The following DIPK2B variants were observed in gnomAD, a reference collection of about 807,000 sequenced individuals.
The protein encoded by DIPK2B is divergent protein kinase domain 2B, also known as UPF0672 protein CXorf36.
In DIPK2B, 15 loss-of-function variants were observed where a neutral mutation model predicts 22.2. The observed-to-expected ratio is 0.68, with a 90% CI of 0.45 to 1.04. DIPK2B has a LOEUF of 1.04. Among genes scored for constraint, DIPK2B ranks in the 50% least tolerant of loss-of-function variants. The pLI is 0.00. For synonymous variants in DIPK2B, 163 were observed against 153.2 expected (o/e 1.06, Z -0.47); for missense variants, 345 against 348.3 (o/e 0.99, Z 0.08).
At position 45,157,748 on chromosome X, in the gene DIPK2B, C is replaced by T. The variant is rs747780326; in HGVS notation, c.639G>A (p.Thr213=). The change falls in exon 3 of 5, where the codon ACG becomes ACA. Residue 213 remains threonine, a synonymous_variant. Transcript: ENST00000398000. Reference sequence around the variant, plus strand: ...GGATGGGGTGCGAGTTGACAGCCAGCGTGTAGAGCAGGCGCAGCTTGTCAC... The same window carrying T: ...GGATGGGGTGCGAGTTGACAGCCAGTGTGTAGAGCAGGCGCAGCTTGTCAC... ...TDRDKLRLLY[T]LAVNSHPILL... 4 of 1,198,139 alleles carry T rather than the reference C, an allele frequency of 3.3e-6. No individual in the cohort carries two copies. The highest frequency in any genetic ancestry group is 3.4e-6 in the Non-Finnish European group (3 of 888,994).
At chrX:45,199,895 G>C (rs187035334) in intron 1 of DIPK2B, among the ~76,000 whole-genome samples, 13 of 111,221 alleles carry the variant, frequency 1.2e-4, no homozygotes, top group African/African-American at 4.3e-4. Flanking sequence ...TCTTTGCTGA[G>C]AGCCATGTGC....
chrX:45,158,297 G>A (rs917560944), intron 2 of DIPK2B, among the ~76,000 whole-genome samples: 4 of 109,882 alleles, frequency 3.6e-5, no homozygotes, highest in Admixed American at 9.6e-5. Flanking sequence ...AGGAAGAAGG[G>A]GAGAGAAGGC....
rs778769796 is a variant in DIPK2B at position 45,153,976 on chromosome X, C to T, written c.895G>A (p.Val299Ile). The T allele has an allele frequency of 4.6e-5, 56 of 1,208,531 alleles. 1 individual carries two copies. Among genetic ancestry groups the T allele is most frequent in the Non-Finnish European group, 4.8e-5 (43 of 894,686 alleles). Residue 299 changes from valine (V) to isoleucine (I), a missense_variant, in exon 4 of 5, where the codon GTC becomes ATC. Val to Ile is a conservative substitution (Grantham distance 29). Coordinates refer to ENST00000398000, the MANE Select transcript of DIPK2B (RefSeq NM_176819.4). ...ATGAACAGATGCCCGTTGTTAAAGA[C>T]GCCGAACATGCCTGCATCAATGTGG... is the stretch of plus-strand genomic sequence containing the variant. The part of the protein sequence containing the change: ...FTHIDAGMFG[V>I]FNNGHLFIRD...
chrX:45,154,301 ATC>A (rs2046979302), intron 3 of DIPK2B, 103 bp from the exon 4 acceptor site: 2 of 641,118 alleles, frequency 3.1e-6, no homozygotes, highest in Non-Finnish European at 4.5e-6. Context: ...CTATCTATCT[ATC>A]TATCTATCTA....
At chrX:45,191,180 C>G (rs1219218259) in intron 2 of DIPK2B, among the ~76,000 whole-genome samples, 1 of 112,474 alleles carries the variant, frequency 8.9e-6, no homozygotes, top group Non-Finnish European at 1.9e-5. Flanking sequence ...TGCTGAAGTT[C>G]CCAGCACAGC....
At chrX:45,187,549 T>C (rs1482852068) in intron 2 of DIPK2B, among the ~76,000 whole-genome samples, 1 of 110,957 alleles carries the variant, frequency 9.0e-6, no homozygotes, top group Non-Finnish European at 1.9e-5. Context: ...TCCTGTCGTC[T>C]TCCTTAGCAG....
Position 45,160,975 on chromosome X carries a change from G to A in DIPK2B, c.499-3087C>T, listed in dbSNP as rs143779302. Among the ~76,000 whole-genome samples the A allele has an allele frequency of 9.8e-3, 1,100 of 112,064 alleles. 18 individuals are homozygous for A. The highest frequency in any genetic ancestry group is 0.034 in the African/African-American group (1,057 of 30,823). On this transcript the variant is annotated intron_variant, in intron 2 of 4. Coordinates refer to ENST00000398000, the MANE Select transcript of DIPK2B (RefSeq NM_176819.4). ...GATTTCATTCCCAGCTTCCTTTGCAGCTAGGTGTGATAATGCGACTAGGTA... is the reference window on the plus strand; with the variant it reads ...GATTTCATTCCCAGCTTCCTTTGCAACTAGGTGTGATAATGCGACTAGGTA...
chrX:45,199,566 T>C (rs749674192), intron 1 of DIPK2B, among the ~76,000 whole-genome samples: 1 of 111,331 alleles, frequency 9.0e-6, no homozygotes, highest in Admixed American at 9.5e-5. Context: ...CTTAAGATGT[T>C]ACTTCCACCT....
intron 2 of DIPK2B, among the ~76,000 whole-genome samples, chrX:45,180,771 T>TAC (rs2047146145): frequency 8.9e-6 from 1 of 111,960 alleles, no homozygotes; most frequent in South Asian, 3.7e-4. Flanking sequence ...GCCCTATATA[T>TAC]ACTATGTTTT....
chrX:45,152,663 G>A (rs1235175764), intron 4 of DIPK2B, among the ~76,000 whole-genome samples: 1 of 111,996 alleles, frequency 8.9e-6, no homozygotes, highest in Non-Finnish European at 1.9e-5. Context: ...GGACATGGCA[G>A]CTCACACCTG....
At position 45,151,863 on chromosome X, in the gene DIPK2B, T is replaced by G. The variant is rs763409315; in HGVS notation, c.1091A>C (p.Lys364Thr). Residue 364 changes from lysine to threonine, a missense_variant, in exon 5 of 5, where the codon AAG becomes ACG. Transcript: ENST00000398000. ...CCCCTGGAGAAGTCGAGGCAGCAACTTCTGACACACCAGCACCAGGCTCTG... is the reference window on the plus strand; with the variant it reads ...CCCCTGGAGAAGTCGAGGCAGCAACGTCTGACACACCAGCACCAGGCTCTG... ...EKQSLVLVCQ[K>T]LLPRLLQGRF... The G allele has an allele frequency of 8.3e-7, 1 of 1,211,369 alleles. No individual in the cohort carries two copies. Among genetic ancestry groups the G allele is most frequent in the East Asian group, 3.0e-5 (1 of 33,821 alleles).
intron 2 of DIPK2B, chrX:45,162,260 A>T: frequency 2.1e-6 from 1 of 471,263 alleles, no homozygotes; most frequent in Non-Finnish European, 2.6e-6. Flanking sequence ...AGCCTTTCCC[A>T]CCAAGCCCTG....
chrX:45,193,221 G>T (rs1446161238), intron 1 of DIPK2B, among the ~76,000 whole-genome samples: 1 of 112,346 alleles, frequency 8.9e-6, no homozygotes, highest in Non-Finnish European at 1.9e-5. Flanking sequence ...AAACTACTCA[G>T]AAAAAGTTTA....
intron 4 of DIPK2B, among the ~76,000 whole-genome samples, chrX:45,153,367 A>AATG (rs2046971110): frequency 9.0e-6 from 1 of 111,059 alleles, no homozygotes; most frequent in Non-Finnish European, 1.9e-5. Flanking sequence ...ATTGTGCCAA[A>AATG]ATGGATTGCA....
Position 45,187,934 on chromosome X carries a change from C to T in DIPK2B, c.498+3817G>A, listed in dbSNP as rs369008945. ...ACAATTGAAGGCTCTGGCTTAGATC[C>T]CAGTTGGAAAACGGCTCTTGAGGAA... On this transcript the variant is annotated intron_variant, in intron 2 of 4. Transcript: ENST00000398000. Among the ~76,000 whole-genome samples, 9 of 111,104 alleles carry T rather than the reference C, an allele frequency of 8.1e-5. No individual in the cohort carries two copies. The East Asian group carries it at 2.0e-3, about 24-fold the overall frequency.
chrX:45,173,611 A>T, intron 2 of DIPK2B, among the ~76,000 whole-genome samples: 1 of 85,008 alleles, frequency 1.2e-5, no homozygotes. Flanking sequence ...TTTTTGGTGG[A>T]GGGGAGACAG....
At chrX:45,176,889 A>C (rs932556158) in intron 2 of DIPK2B, among the ~76,000 whole-genome samples, 1 of 111,576 alleles carries the variant, frequency 9.0e-6, no homozygotes, top group Non-Finnish European at 1.9e-5. Flanking sequence ...ATGCTAATGG[A>C]TCATTGTGCC....
intron 4 of DIPK2B, 105 bp from the exon 5 acceptor site, chrX:45,152,097 C>A (rs1487946611): frequency 2.8e-6 from 2 of 724,615 alleles, no homozygotes; most frequent in Non-Finnish European, 4.0e-6. Flanking sequence ...GTGGCTCATG[C>A]CTGTAATCCC....
chrX:45,173,254 G>A (rs1173487411), intron 2 of DIPK2B, among the ~76,000 whole-genome samples: 1 of 111,678 alleles, frequency 9.0e-6, no homozygotes, highest in Admixed American at 9.5e-5. Flanking sequence ...CAACTAGACT[G>A]AGCTAGCTCA....
Sources: allele counts gnomAD v4.1 joint callset (sites outside exome capture counted in the v4.1 genomes callset), GRCh38; gene constraint gnomAD v4.1.1; transcripts MANE v1.5; gene names NCBI Gene and HGNC (gene_info 2026-07-23, HGNC 2026-07-21).